Variants in NINL observed in about 807,000 individuals in gnomAD.
NINL encodes ninein like.
Under a neutral mutation model 160.3 loss-of-function variants are expected in NINL, and 153 were observed. The observed-to-expected ratio is 0.95, with a 90% confidence interval of 0.84 to 1.09. The LOEUF is 1.09. Ranked by LOEUF, NINL falls within the 50% of genes least tolerant of loss-of-function variation. The pLI is 0.00. For missense variants in NINL, 1,829 were observed against 1,764.0 expected (o/e 1.04, Z -0.66); for synonymous variants, 800 against 734.8 (o/e 1.09, Z -1.43).
In NINL at chr20:25,539,538, C is replaced by T. The variant is rs1278077024; in HGVS notation, c.-11-12940G>A. ...CGGAGACTGCTGCTTACTCACTACA[C>T]GCTGTAATACTGCCACCAAGGACAC... On this transcript the variant is annotated intron_variant, in intron 1 of 23. Coordinates refer to ENST00000278886, the MANE Select transcript of NINL (RefSeq NM_025176.6). Among the ~76,000 whole-genome samples, 5 of 152,306 alleles carry T rather than the reference C, an allele frequency of 3.3e-5. No homozygotes were observed. The East Asian group carries it at 5.8e-4, about 18-fold the overall frequency.
chr20:25,551,855 G>C (rs1269694633), intron 1 of NINL, among the ~76,000 whole-genome samples: 2 of 152,180 alleles, frequency 1.3e-5, no homozygotes, highest in African/African-American at 4.8e-5. Flanking sequence ...GATTCAGTTT[G>C]AGGAGTTAAA....
intron 1 of NINL, among the ~76,000 whole-genome samples, chr20:25,547,066 T>C (rs2064742832): frequency 6.6e-6 from 1 of 152,172 alleles, no homozygotes; most frequent in African/African-American, 2.4e-5. Flanking sequence ...AAGTGTATGT[T>C]TAGTCTTGGT....
chr20:25,504,399 G>C (rs994871778), intron 6 of NINL, among the ~76,000 whole-genome samples: 3 of 152,288 alleles, frequency 2.0e-5, no homozygotes, highest in Non-Finnish European at 4.4e-5. Flanking sequence ...TGGATCCTGC[G>C]GGATGCTGAG....
intron 1 of NINL, among the ~76,000 whole-genome samples, chr20:25,533,631 T>G (rs417446): frequency 0.054 from 8,166 of 152,170 alleles, 692 homozygotes; most frequent in African/African-American, 0.18. Context: ...TCAACCCCCA[T>G]GCATACAAAT....
intron 16 of NINL, 188 bp downstream of exon 16, chr20:25,478,735 T>C: frequency 5.2e-6 from 3 of 580,706 alleles, no homozygotes; most frequent in Non-Finnish European, 8.8e-6. Context: ...TGATCCAATG[T>C]ATATTTTAAA....
chr20:25,556,003 G>A (rs1408370315), intron 1 of NINL, among the ~76,000 whole-genome samples: 2 of 147,894 alleles, frequency 1.4e-5, no homozygotes, highest in Non-Finnish European at 3.0e-5. Flanking sequence ...AAAACAGGCC[G>A]GACACGGTGC....
intron 1 of NINL, among the ~76,000 whole-genome samples, chr20:25,549,599 T>C (rs1385807032): frequency 6.6e-6 from 1 of 152,276 alleles, no homozygotes; most frequent in Non-Finnish European, 1.5e-5. Context: ...TGTGAGTTTT[T>C]ATTTTACATC....
chr20:25,575,224 G>A (rs751818248), intron 1 of NINL, among the ~76,000 whole-genome samples: 13 of 151,774 alleles, frequency 8.6e-5, no homozygotes, highest in East Asian at 1.9e-4. Flanking sequence ...CGAGGCGGGC[G>A]GATCATGAGG....
At chr20:25,553,103 G>GTTTTTTTTTTTTTTTTTTTTTTT (rs760131174) in intron 1 of NINL, among the ~76,000 whole-genome samples, 1 of 58,048 alleles carries the variant, frequency 1.7e-5, no homozygotes. Context: ...ACCCTTGTTG[G>GTTTTTTTTTTTTTTTTTTTTTTT]GTTTTTTTTT....
Position 25,491,344 on chromosome 20 carries a change from C to A in NINL, c.1485+7G>T. On this transcript the variant is annotated splice_region_variant and intron_variant, in intron 11 of 23. Transcript: ENST00000278886. ...CAGCTTCCTGGATGCCCTGGGGATG[C>A]CCCTACCTTCAGGGCCAGGGTCAGC... 6.2e-7 allele frequency: 1 copy of A among 1,602,404 alleles called. No homozygotes were observed. Among genetic ancestry groups the A allele is most frequent in the Non-Finnish European group, 8.5e-7 (1 of 1,176,454 alleles).
At chr20:25,469,345 C>T (rs1306935027) in intron 18 of NINL, among the ~76,000 whole-genome samples, 2 of 136,134 alleles carry the variant, frequency 1.5e-5, no homozygotes, top group Non-Finnish European at 3.1e-5. Context: ...TGCCCTGTCC[C>T]CCGACTTTCA....
At chr20:25,461,184 T>C (rs1380665334) in intron 21 of NINL, among the ~76,000 whole-genome samples, 1 of 152,144 alleles carries the variant, frequency 6.6e-6, no homozygotes, top group African/African-American at 2.4e-5. Context: ...GTCACCCCAC[T>C]CCCAGGGCTG....
intron 1 of NINL, among the ~76,000 whole-genome samples, chr20:25,534,973 T>A (rs773161194): frequency 2.6e-5 from 4 of 152,178 alleles, no homozygotes; most frequent in Admixed American, 6.5e-5. Context: ...GAGGCAACCA[T>A]CACATGCCTA....
intron 3 of NINL, among the ~76,000 whole-genome samples, chr20:25,516,091 A>C (rs1199528632): frequency 6.6e-6 from 1 of 152,020 alleles, no homozygotes; most frequent in African/African-American, 2.4e-5. Context: ...TGGTTGTTTA[A>C]AAGTGTGTAG....
chr20:25,479,878 G>C (rs532412131), intron 15 of NINL, among the ~76,000 whole-genome samples: 86 of 152,332 alleles, frequency 5.6e-4, no homozygotes, highest in African/African-American at 1.9e-3. Flanking sequence ...AAGGAGGGCT[G>C]GCCACGGCGC....
chr20:25,517,894 A>G, intron 2 of NINL, 45 bp from the exon 3 acceptor site: 1 of 1,266,070 alleles, frequency 7.9e-7, no homozygotes, highest in Non-Finnish European at 1.1e-6. Context: ...CTTTCAACAG[A>G]TCACACAATT....
intron 1 of NINL, among the ~76,000 whole-genome samples, chr20:25,573,459 T>C (rs374165433): frequency 6.6e-6 from 1 of 152,174 alleles, no homozygotes; most frequent in Non-Finnish European, 1.5e-5. Flanking sequence ...ACAACACTGA[T>C]GCTCTTCTAC....
Position 25,458,541 on chromosome 20 carries a change from AG to A in NINL, c.3697-13del. ...TGAGCTCCCTGCACCTGCATGGGGAAGGGGAGACAGCTCTGGTGGGGCTGCT... is the reference window on the plus strand; with the variant it reads ...TGAGCTCCCTGCACCTGCATGGGGAAGGGAGACAGCTCTGGTGGGGCTGCT... On this transcript the variant is annotated splice_polypyrimidine_tract_variant and intron_variant, in intron 21 of 23. Coordinates refer to ENST00000278886, the MANE Select transcript of NINL (RefSeq NM_025176.6). 6.3e-7 allele frequency: 1 copy of A among 1,576,196 alleles called. No homozygotes were observed.
chr20:25,496,937 C>T (rs1179252168), intron 9 of NINL, 134 bp from the exon 10 acceptor site: 17 of 1,134,574 alleles, frequency 1.5e-5, no homozygotes, highest in East Asian at 1.2e-4. Context: ...CACTGCTCCA[C>T]CAGCCTGCTC....
Sources: allele counts gnomAD v4.1 joint callset (sites outside exome capture counted in the v4.1 genomes callset), GRCh38; gene constraint gnomAD v4.1.1; transcripts MANE v1.5; gene names NCBI Gene and HGNC (gene_info 2026-07-23, HGNC 2026-07-21).